LEKR1: variants seen among roughly 807,000 people sequenced by gnomAD.
LEKR1 encodes protein LEKR1.
A neutral mutation model predicts 72.4 loss-of-function variants in LEKR1; 59 were observed. The ratio of observed to expected loss-of-function variants is 0.82; its 90% confidence interval spans 0.66 to 1.01. The LOEUF (loss-of-function observed/expected upper bound fraction) is 1.01. Ranked by LOEUF, LEKR1 falls within the 50% of genes least tolerant of loss-of-function variation. The pLI, the probability that LEKR1 is intolerant of heterozygous loss-of-function variation, is 0.00. For synonymous variants in LEKR1, 257 were observed against 263.2 expected, an observed-to-expected ratio of 0.98 and a Z score of 0.23; for missense variants, 728 against 759.2, an observed-to-expected ratio of 0.96 and a Z score of 0.48.
intron 2 of LEKR1, among the ~76,000 whole-genome samples, chr3:156,830,375 A>G (rs1472717518): frequency 6.6e-6 from 1 of 152,232 alleles, no homozygotes; most frequent in African/African-American, 2.4e-5. Context: ...CTGATGCTGG[A>G]AGTACTTTCA....
At chr3:157,023,068 G>A (rs1222547423) in intron 10 of LEKR1, among the ~76,000 whole-genome samples, 1 of 151,764 alleles carries the variant, frequency 6.6e-6, no homozygotes, top group Non-Finnish European at 1.5e-5. Flanking sequence ...CAATATTTGT[G>A]TCCTTGTACC....
At chr3:156,980,499 C>G (rs930382390) in intron 7 of LEKR1, among the ~76,000 whole-genome samples, 19 of 151,900 alleles carry the variant, frequency 1.3e-4, no homozygotes, top group African/African-American at 4.6e-4. Flanking sequence ...AGAAGACCCC[C>G]TAGGCCCAGG....
chr3:157,025,289 A>G (rs919737478), intron 11 of LEKR1, among the ~76,000 whole-genome samples: 1 of 152,214 alleles, frequency 6.6e-6, no homozygotes, highest in South Asian at 2.1e-4. Flanking sequence ...CCACTAAAGC[A>G]TATACCCTTT....
intron 12 of LEKR1, among the ~76,000 whole-genome samples, chr3:157,039,296 T>TA (rs59416635): frequency 3.3e-5 from 5 of 152,138 alleles, no homozygotes; most frequent in Admixed American, 2.6e-4. Flanking sequence ...ACTCTATTTT[T>TA]AAAAAAAGAA....
In LEKR1 at chr3:156,872,856, C is replaced by A. The variant is rs1234832212; in HGVS notation, c.263+19874C>A. ...AAATTTATTGAGAATTATTTTGTGT[C>A]TTAACATATAGTCTATCCTGGAGAA... On this transcript the variant is annotated intron_variant, in intron 3 of 12. Transcript: ENST00000356539. Among the ~76,000 whole-genome samples, 3 of 151,910 alleles carry A rather than the reference C, an allele frequency of 2.0e-5. No homozygotes were observed. In the East Asian group the frequency reaches 5.8e-4, roughly 29 times the overall value.
chr3:156,936,202 G>C (rs1725684145), intron 5 of LEKR1, among the ~76,000 whole-genome samples: 1 of 152,124 alleles, frequency 6.6e-6, no homozygotes, highest in Non-Finnish European at 1.5e-5. Flanking sequence ...ATCCTTGATA[G>C]TGTTGCCCTT....
chr3:156,902,188 T>G (rs1377215201), intron 3 of LEKR1, among the ~76,000 whole-genome samples: 1 of 152,138 alleles, frequency 6.6e-6, no homozygotes. Context: ...TTTTATTGAT[T>G]TGCTGACCTA....
intron 2 of LEKR1, among the ~76,000 whole-genome samples, chr3:156,835,346 T>G (rs1470615640): frequency 6.6e-6 from 1 of 152,198 alleles, no homozygotes; most frequent in Middle Eastern, 3.2e-3. Flanking sequence ...ATTTGTGGCT[T>G]CAGGGTGGAG....
At chr3:156,886,548 C>T (rs1720107677) in intron 3 of LEKR1, among the ~76,000 whole-genome samples, 1 of 152,118 alleles carries the variant, frequency 6.6e-6, no homozygotes, top group Non-Finnish European at 1.5e-5. Context: ...GCTGCCTTCC[C>T]CAAGGGTCCC....
chr3:156,994,892 C>T (rs1028936434), intron 9 of LEKR1, among the ~76,000 whole-genome samples: 2 of 152,202 alleles, frequency 1.3e-5, no homozygotes, highest in Non-Finnish European at 2.9e-5. Context: ...AATGCTGTCT[C>T]CTTCACTGAA....
At chr3:156,904,963 A>G (rs377295696) in intron 3 of LEKR1, among the ~76,000 whole-genome samples, 1 of 152,170 alleles carries the variant, frequency 6.6e-6, no homozygotes, top group East Asian at 1.9e-4. Flanking sequence ...TAAATGAAGA[A>G]TCAAAGACCA....
intron 6 of LEKR1, among the ~76,000 whole-genome samples, chr3:156,972,438 A>G (rs1221439538): frequency 6.6e-6 from 1 of 152,198 alleles, no homozygotes; most frequent in Non-Finnish European, 1.5e-5. Context: ...GCACATGTAT[A>G]CACATGTAAC....
intron 3 of LEKR1, among the ~76,000 whole-genome samples, chr3:156,909,104 G>A (rs72485636): frequency 7.9e-5 from 12 of 152,020 alleles, no homozygotes; most frequent in Non-Finnish European, 1.2e-4. Context: ...TCTCGTTGCC[G>A]GCCACCATGT....
chr3:156,886,658 C>T (rs926405275), intron 3 of LEKR1, among the ~76,000 whole-genome samples: 1 of 152,120 alleles, frequency 6.6e-6, no homozygotes, highest in African/African-American at 2.4e-5. Flanking sequence ...TTGTGGGACT[C>T]CCTAAATCCA....
intron 9 of LEKR1, among the ~76,000 whole-genome samples, chr3:157,006,823 C>A (rs974900270): frequency 6.6e-6 from 1 of 152,162 alleles, no homozygotes; most frequent in African/African-American, 2.4e-5. Context: ...CAGAATATAT[C>A]TACATATCCC....
chr3:156,933,679 G>T lies in LEKR1; in HGVS notation c.559+6075G>T, dbSNP rs145284816. Among the ~76,000 whole-genome samples, 159 of 152,202 alleles carry T rather than the reference G, an allele frequency of 1.0e-3. 1 individual carries two copies. Among genetic ancestry groups the T allele is most frequent in the Non-Finnish European group, 2.0e-3 (136 of 68,004 alleles). ...CTCTAATGTTTTTGTTTACATTTGTGTTGCATTATTAATATTTTCTGTAAT... is the reference window on the plus strand; with the variant it reads ...CTCTAATGTTTTTGTTTACATTTGTTTTGCATTATTAATATTTTCTGTAAT... On this transcript the variant is annotated intron_variant, in intron 5 of 12. Transcript: ENST00000356539.
intron 6 of LEKR1, among the ~76,000 whole-genome samples, chr3:156,952,381 G>T (rs1346395605): frequency 1.3e-5 from 2 of 151,436 alleles, no homozygotes; most frequent in African/African-American, 2.4e-5. Flanking sequence ...AAATACTTGT[G>T]AAATTCTTTA....
At chr3:157,026,559 A>T (rs1206039761) in intron 11 of LEKR1, among the ~76,000 whole-genome samples, 1 of 152,174 alleles carries the variant, frequency 6.6e-6, no homozygotes, top group Non-Finnish European at 1.5e-5. Context: ...TCTTGGATTA[A>T]TTGAAGATAA....
intron 6 of LEKR1, among the ~76,000 whole-genome samples, chr3:156,974,716 C>T (rs1729541208): frequency 6.6e-6 from 1 of 152,032 alleles, no homozygotes. Flanking sequence ...ACGCCCCCCT[C>T]TAATTAATAT....
Sources: allele counts gnomAD v4.1 joint callset (sites outside exome capture counted in the v4.1 genomes callset), GRCh38; gene constraint gnomAD v4.1.1; transcripts MANE v1.5; gene names NCBI Gene and HGNC (gene_info 2026-07-23, HGNC 2026-07-21).